The following TASP1 variants were observed in gnomAD, a reference collection of about 807,000 sequenced individuals.
TASP1 encodes taspase 1.
TASP1 carries 16 observed loss-of-function variants against 56.6 expected under a neutral mutation model. The observed-to-expected ratio is 0.28, with a 90% CI of 0.19 to 0.43. The LOEUF is 0.43. TASP1 is among the 20% of genes least tolerant of loss of function. The pLI is 1.00. For synonymous variants in TASP1, 179 were observed against 184.2 expected, an observed-to-expected ratio of 0.97 and a Z score of 0.23; for missense variants, 393 against 511.6, an observed-to-expected ratio of 0.77 and a Z score of 2.24.
intron 4 of TASP1, among the ~76,000 whole-genome samples, chr20:13,599,469 C>G (rs1346937252): frequency 6.6e-6 from 1 of 152,096 alleles, no homozygotes; most frequent in African/African-American, 2.4e-5. Context: ...TAGATGGGAA[C>G]TGAATAATGA....
At chr20:13,199,590 C>A in the TASP1 span, among the ~76,000 whole-genome samples, 2 of 152,302 alleles carry the variant, frequency 1.3e-5, no homozygotes, top group African/African-American at 4.8e-5. Context: ...TCCTGCGGTA[C>A]AAGAGAGATT....
chr20:13,267,741 C>A, the TASP1 span, among the ~76,000 whole-genome samples: 2 of 152,188 alleles, frequency 1.3e-5, no homozygotes, highest in Non-Finnish European at 2.9e-5. Flanking sequence ...ACATTTTCTA[C>A]TTCTTCTAAA....
chr20:13,486,781 C>A (rs2146536696), intron 10 of TASP1, among the ~76,000 whole-genome samples: 1 of 152,114 alleles, frequency 6.6e-6, no homozygotes, highest in South Asian at 2.1e-4. Flanking sequence ...TTGTCCACTG[C>A]CCAAAAAAAA....
the TASP1 span, among the ~76,000 whole-genome samples, chr20:13,352,279 A>G: frequency 6.6e-6 from 1 of 152,000 alleles, no homozygotes. Context: ...GCGAAACCCC[A>G]TCTTTACAAA....
Position 13,543,991 on chromosome 20 carries a change from A to T in TASP1, c.676-9850T>A, listed in dbSNP as rs534562880. ...GTTCCCAAAAGCACATCCTTTAACA[A>T]CTGCCGTGAAATATTTGGCTGGTCC... On this transcript the variant is annotated intron_variant, in intron 8 of 13. Transcript: ENST00000337743. Among the ~76,000 whole-genome samples the T allele has an allele frequency of 3.5e-4, 54 of 152,230 alleles. No individual in the cohort carries two copies. The East Asian group carries it at 0.01, about 28-fold the overall frequency.
chr20:13,409,894 CA>C (rs2042042068), intron 13 of TASP1, among the ~76,000 whole-genome samples: 2 of 152,086 alleles, frequency 1.3e-5, no homozygotes, highest in African/African-American at 4.8e-5. Context: ...TAACTATAGT[CA>C]ACTTACTCTA....
chr20:13,117,438 A>G, the TASP1 span: 3 of 1,416,374 alleles, frequency 2.1e-6, no homozygotes, highest in South Asian at 4.2e-5. Context: ...GGATGTATTG[A>G]TGGGGAAACT....
chr20:13,522,192 T>A (rs1471635780), intron 10 of TASP1, among the ~76,000 whole-genome samples: 1 of 152,164 alleles, frequency 6.6e-6, no homozygotes, highest in African/African-American at 2.4e-5. Context: ...AGGCCCTTCA[T>A]TAGGACTGTG....
chr20:13,303,381 C>T, the TASP1 span, among the ~76,000 whole-genome samples: 1 of 152,188 alleles, frequency 6.6e-6, no homozygotes, highest in Non-Finnish European at 1.5e-5. Flanking sequence ...TATAGCTGAG[C>T]CCTTGCTCAG....
chr20:13,518,170 G>C (rs1335058690), intron 10 of TASP1, among the ~76,000 whole-genome samples: 4 of 152,010 alleles, frequency 2.6e-5, no homozygotes. Context: ...ATCTCATTGA[G>C]AGTGACAAAA....
the TASP1 span, among the ~76,000 whole-genome samples, chr20:13,344,857 A>G: frequency 6.6e-6 from 1 of 152,222 alleles, no homozygotes; most frequent in Non-Finnish European, 1.5e-5. Flanking sequence ...TCATGGCCAC[A>G]GCAGGCCCAG....
At chr20:13,480,425 A>T (rs922949289) in intron 11 of TASP1, among the ~76,000 whole-genome samples, 3 of 152,212 alleles carry the variant, frequency 2.0e-5, no homozygotes, top group South Asian at 4.1e-4. Context: ...GACTTTTGGA[A>T]GTCACTGAAC....
chr20:13,580,647 C>T (rs1029510108), intron 6 of TASP1, among the ~76,000 whole-genome samples: 9 of 152,042 alleles, frequency 5.9e-5, no homozygotes, highest in African/African-American at 2.2e-4. Flanking sequence ...CTCTGGACTA[C>T]AATGTGTAAG....
At chr20:13,495,057 CCACA>C (rs2043672098) in intron 10 of TASP1, among the ~76,000 whole-genome samples, 2 of 151,794 alleles carry the variant, frequency 1.3e-5, no homozygotes, top group African/African-American at 4.8e-5. Context: ...GGTATAAAGT[CCACA>C]AACAGAAAGA....
the TASP1 span, among the ~76,000 whole-genome samples, chr20:13,125,482 C>A: frequency 2.0e-5 from 3 of 152,218 alleles, no homozygotes; most frequent in African/African-American, 2.4e-5. Context: ...TGCTGTGTAA[C>A]AAACCACCCC....
the TASP1 span, among the ~76,000 whole-genome samples, chr20:13,180,671 G>A: frequency 6.6e-6 from 1 of 152,168 alleles, no homozygotes; most frequent in Non-Finnish European, 1.5e-5. Flanking sequence ...GGAATACAAA[G>A]GCATAAATCG....
chr20:13,581,271 G>T (rs1023505426), intron 5 of TASP1, among the ~76,000 whole-genome samples: 2 of 152,102 alleles, frequency 1.3e-5, no homozygotes, highest in Non-Finnish European at 2.9e-5. Flanking sequence ...TTTAAATTAG[G>T]TTCCTTTTTA....
At chr20:13,503,219 C>G (rs927978099) in intron 10 of TASP1, among the ~76,000 whole-genome samples, 3 of 152,070 alleles carry the variant, frequency 2.0e-5, no homozygotes, top group Non-Finnish European at 2.9e-5. Flanking sequence ...GTGTAACACC[C>G]CTAAACAGCC....
chr20:13,135,376 C>T, the TASP1 span, among the ~76,000 whole-genome samples: 1 of 152,176 alleles, frequency 6.6e-6, no homozygotes. Flanking sequence ...AGTCACCCTC[C>T]ATTTGACTGC....
Sources: allele counts gnomAD v4.1 joint callset (sites outside exome capture counted in the v4.1 genomes callset), GRCh38; gene constraint gnomAD v4.1.1; transcripts MANE v1.5; gene names NCBI Gene and HGNC (gene_info 2026-07-23, HGNC 2026-07-21).